KATNIP: variants seen among roughly 807,000 people sequenced by gnomAD.
KATNIP encodes katanin-interacting protein.
In KATNIP, 126 loss-of-function variants were observed where a neutral mutation model predicts 174.0. The ratio of observed to expected loss-of-function variants is 0.72; its 90% CI spans 0.63 to 0.84. The LOEUF is 0.84. KATNIP is among the 40% of genes least tolerant of loss of function. The pLI is 0.00. For synonymous variants in KATNIP, 810 were observed against 835.7 expected (o/e 0.97, Z 0.53); for missense variants, 1,958 against 2,109.7 (o/e 0.93, Z 1.41).
At chr16:27,583,786 T>A (rs901546654) in intron 2 of KATNIP, among the ~76,000 whole-genome samples, 6 of 152,192 alleles carry the variant, frequency 3.9e-5, no homozygotes, top group Non-Finnish European at 8.8e-5. Flanking sequence ...GAGAATTTGT[T>A]GCCTCACCTA....
At chr16:27,755,080 T>G (rs1327355975) in intron 18 of KATNIP, 1 of 152,616 alleles carries the variant, frequency 6.6e-6, no homozygotes, top group African/African-American at 2.4e-5. Flanking sequence ...CTAACCAGGT[T>G]CCTGGCAGCC....
Position 27,674,131 on chromosome 16 carries a change from TA to T in KATNIP, c.541-3596del, listed in dbSNP as rs369967706. ...ACACCACTGCACTGGGCAACAGAGA[TA>T]ATTAATTAATTTTATTAAATGTGTA... On this transcript the variant is annotated intron_variant, in intron 6 of 27. Coordinates refer to ENST00000261588, the MANE Select transcript of KATNIP (RefSeq NM_015202.5). Among the ~76,000 whole-genome samples the T allele has an allele frequency of 8.1e-4, 123 of 152,278 alleles. 2 individuals are homozygous for T. Among genetic ancestry groups the T allele is most frequent in the Middle Eastern group, 6.8e-3 (2 of 294 alleles).
In KATNIP at chr16:27,573,833, C is replaced by A. The variant is rs983453473; in HGVS notation, c.8-68C>A. 3.4e-6 allele frequency: 5 copies of A among 1,462,328 alleles called. No homozygotes were observed. The African/African-American group carries it at 7.0e-5, about 20-fold the overall frequency. The allele number at this position is 1,462,328 out of a possible 1,614,324, so 90.6% of individuals were successfully genotyped here. A position where few individuals can be genotyped will look rare whatever the true frequency, so the allele number is the denominator to read the frequency against. ...ATCTATTCAGTTTGCAAATAAAAAT[C>A]TTTTGTGTTGATAAACTAGCTGTTC... On this transcript the variant is annotated intron_variant, in intron 1 of 27. Transcript: ENST00000261588.
intron 2 of KATNIP, among the ~76,000 whole-genome samples, chr16:27,597,028 T>A (rs1006428818): frequency 9.9e-5 from 15 of 151,378 alleles, no homozygotes; most frequent in African/African-American, 3.4e-4. Flanking sequence ...CTCAAAAAAA[T>A]AAATAAATAA....
intron 4 of KATNIP, among the ~76,000 whole-genome samples, chr16:27,629,034 G>C (rs147780067): frequency 6.6e-6 from 1 of 152,126 alleles, no homozygotes; most frequent in Non-Finnish European, 1.5e-5. Flanking sequence ...CAGGCATGAT[G>C]GCATGCACCT....
At chr16:27,660,606 T>C (rs1469334791) in intron 6 of KATNIP, among the ~76,000 whole-genome samples, 1 of 150,216 alleles carries the variant, frequency 6.7e-6, no homozygotes, top group Non-Finnish European at 1.5e-5. Flanking sequence ...CGATACATAA[T>C]AGTTTGTGGA....
intron 6 of KATNIP, among the ~76,000 whole-genome samples, chr16:27,662,348 G>A (rs977316393): frequency 6.6e-6 from 1 of 151,916 alleles, no homozygotes; most frequent in Non-Finnish European, 1.5e-5. Flanking sequence ...AGTTCCTGAT[G>A]AGACAGGAGG....
intron 23 of KATNIP, among the ~76,000 whole-genome samples, chr16:27,774,560 T>G (rs983729223): frequency 5.3e-5 from 8 of 152,154 alleles, no homozygotes; most frequent in African/African-American, 1.9e-4. Context: ...GATACTCACA[T>G]GCCAGGGTAG....
At chr16:27,774,220 G>A (rs774816611) in intron 23 of KATNIP, among the ~76,000 whole-genome samples, 48 of 152,048 alleles carry the variant, frequency 3.2e-4, no homozygotes, top group Non-Finnish European at 5.1e-4. Context: ...GCCTTCCCCT[G>A]GTGCCACCAC....
chr16:27,659,692 C>T (rs2077408206), intron 6 of KATNIP, among the ~76,000 whole-genome samples: 1 of 151,888 alleles, frequency 6.6e-6, no homozygotes, highest in African/African-American at 2.4e-5. Context: ...AAAATAGAGG[C>T]ATGTAGGAGA....
chr16:27,679,855 C>A (rs150002583), intron 7 of KATNIP, among the ~76,000 whole-genome samples: 2 of 152,028 alleles, frequency 1.3e-5, no homozygotes, highest in Non-Finnish European at 2.9e-5. Flanking sequence ...ATCAGACATG[C>A]TCTCACCATG....
intron 1 of KATNIP, among the ~76,000 whole-genome samples, chr16:27,553,552 C>T (rs184795899): frequency 3.3e-5 from 5 of 152,304 alleles, no homozygotes; most frequent in South Asian, 4.1e-4. Flanking sequence ...CAGTGGCTCA[C>T]GCCTATAGTC....
intron 13 of KATNIP, chr16:27,718,781 G>A (rs565813788): frequency 2.9e-5 from 4 of 135,648 alleles, no homozygotes; most frequent in African/African-American, 1.0e-4. Context: ...TTCTTGTAGA[G>A]CTGGAGAAAC....
chr16:27,726,584 C>T (rs2080461186), intron 14 of KATNIP, among the ~76,000 whole-genome samples: 1 of 152,216 alleles, frequency 6.6e-6, no homozygotes, highest in South Asian at 2.1e-4. Flanking sequence ...GCCCTGTCCC[C>T]TCTGTTGGGG....
At chr16:27,663,129 T>G (rs1461660611) in intron 6 of KATNIP, among the ~76,000 whole-genome samples, 2 of 150,898 alleles carry the variant, frequency 1.3e-5, no homozygotes, top group African/African-American at 4.8e-5. Context: ...GTTTAATTTA[T>G]TTTTTCTTTT....
At chr16:27,606,468 ATC>A (rs987659469) in intron 2 of KATNIP, among the ~76,000 whole-genome samples, 1 of 151,442 alleles carries the variant, frequency 6.6e-6, no homozygotes, top group Non-Finnish European at 1.5e-5. Flanking sequence ...TCGGGTATAA[ATC>A]TCTCTCATAC....
intron 14 of KATNIP, 63 bp from the exon 15 acceptor site, chr16:27,739,978 C>G (rs995605491): frequency 1.3e-6 from 2 of 1,523,772 alleles, no homozygotes; most frequent in African/African-American, 2.8e-5. Flanking sequence ...TCTTCGACTT[C>G]CAAAATTTCA....
intron 6 of KATNIP, among the ~76,000 whole-genome samples, chr16:27,676,973 G>A (rs2078140115): frequency 6.6e-6 from 1 of 152,032 alleles, no homozygotes. Context: ...TCCCAGCTCC[G>A]TTTATACTTT....
chr16:27,775,254 C>G (rs1011805015), intron 24 of KATNIP, among the ~76,000 whole-genome samples, 170 bp downstream of exon 24: 1 of 152,208 alleles, frequency 6.6e-6, no homozygotes, highest in Non-Finnish European at 1.5e-5. Context: ...CTGATGGGGT[C>G]AGCTCTTCCA....
Sources: allele counts gnomAD v4.1 joint callset (sites outside exome capture counted in the v4.1 genomes callset), GRCh38; gene constraint gnomAD v4.1.1; transcripts MANE v1.5; gene names NCBI Gene and HGNC (gene_info 2026-07-23, HGNC 2026-07-21).